BCL11A: variants seen among roughly 807,000 people sequenced by gnomAD.
BCL11A encodes the protein BCL11 transcription factor A, also known as B cell CLL/lymphoma 11A.
In BCL11A, 2 loss-of-function variants were observed where a neutral mutation model predicts 55.9. That is an observed-to-expected ratio of 0.04 (90% CI 0.01 to 0.11). The LOEUF is 0.11. Ranked by LOEUF, BCL11A falls within the 10% of genes least tolerant of loss-of-function variation. The pLI, the probability that BCL11A is intolerant of heterozygous loss-of-function variation, is 1.00. For synonymous variants in BCL11A, 465 were observed against 473.4 expected, an observed-to-expected ratio of 0.98 and a Z score of 0.23; for missense variants, 817 against 1,137.1, an observed-to-expected ratio of 0.72 and a Z score of 4.05.
chr2:60,521,113 A>T (rs1336108508), intron 2 of BCL11A, among the ~76,000 whole-genome samples: 3 of 151,596 alleles, frequency 2.0e-5, no homozygotes, highest in African/African-American at 7.3e-5. Flanking sequence ...ACACACACAC[A>T]CACACACACA....
At chr2:60,473,240 G>GT (rs35836068) in intron 2 of BCL11A, among the ~76,000 whole-genome samples, 8,866 of 140,300 alleles carry the variant, frequency 0.063, 382 homozygotes, top group Non-Finnish European at 0.095. Flanking sequence ...TAATTTCCCT[G>GT]TTTTTTTTTT....
chr2:60,510,851 G>A (rs887832706), intron 2 of BCL11A, among the ~76,000 whole-genome samples: 2 of 152,232 alleles, frequency 1.3e-5, no homozygotes, highest in Non-Finnish European at 2.9e-5. Context: ...CACAGGCCCT[G>A]AGACCCACAG....
At chr2:60,499,307 C>T (rs977050683) in intron 2 of BCL11A, among the ~76,000 whole-genome samples, 2 of 152,208 alleles carry the variant, frequency 1.3e-5, no homozygotes, top group African/African-American at 4.8e-5. Context: ...CAGCCATACC[C>T]TTCTGGGCCA....
chr2:60,497,080 C>T (rs1166410482), intron 2 of BCL11A, among the ~76,000 whole-genome samples: 5 of 152,232 alleles, frequency 3.3e-5, no homozygotes, highest in African/African-American at 1.2e-4. Flanking sequence ...AGGGAGTACA[C>T]CGCAGACACC....
At chr2:60,463,378 ATCC>A (rs1676426504) in intron 3 of BCL11A, among the ~76,000 whole-genome samples, 1 of 152,212 alleles carries the variant, frequency 6.6e-6, no homozygotes, top group South Asian at 2.1e-4. Flanking sequence ...ATGCTACACT[ATCC>A]TCCTCCTCAT....
Position 60,498,338 on chromosome 2 carries a change from CA to C in BCL11A, c.386-29506del, listed in dbSNP as rs765128143. 2.0e-5 allele frequency among the ~76,000 whole-genome samples: 3 copies of C among 152,000 alleles called. No homozygotes were observed. The East Asian group carries it at 5.8e-4, about 30-fold the overall frequency. On this transcript the variant is annotated intron_variant, in intron 2 of 3. Coordinates refer to ENST00000642384, the MANE Select transcript of BCL11A (RefSeq NM_022893.4). ...TGGGGACCGCTCACAGGACATGCAG[CA>C]GTGTGTGCCGACAACTCCCTACCGC...
chr2:60,508,014 C>G (rs748350218), intron 2 of BCL11A, among the ~76,000 whole-genome samples: 2 of 152,032 alleles, frequency 1.3e-5, no homozygotes, highest in African/African-American at 2.4e-5. Flanking sequence ...TATGGGGTTA[C>G]GGATAATGCC....
intron 2 of BCL11A, among the ~76,000 whole-genome samples, chr2:60,518,220 A>C (rs530435279): frequency 5.7e-4 from 87 of 152,294 alleles, no homozygotes; most frequent in African/African-American, 1.9e-3. Flanking sequence ...TTATCTATCA[A>C]ACCTAGACCT....
At chr2:60,547,152 T>C (rs754652477) in intron 1 of BCL11A, among the ~76,000 whole-genome samples, 19 of 152,182 alleles carry the variant, frequency 1.2e-4, no homozygotes, top group Non-Finnish European at 2.6e-4. Context: ...TCTAAACATG[T>C]TTGCACTTGG....
exon 5 of BCL11A, chr2:60,451,692 C>T (rs1237886030): frequency 4.3e-6 from 1 of 230,322 alleles, no homozygotes; most frequent in Non-Finnish European, 8.6e-6. Flanking sequence ...TAAGAAACTA[C>T]TGACATTTAT....
At chr2:60,496,476 C>A (rs1311712751) in intron 2 of BCL11A, 2 of 152,228 alleles carry the variant, frequency 1.3e-5, no homozygotes, top group African/African-American at 4.8e-5. Context: ...TCTGGACACA[C>A]AGCAAAAGTG....
intron 1 of BCL11A, among the ~76,000 whole-genome samples, chr2:60,552,526 C>T (rs535645599): frequency 1.3e-5 from 2 of 152,306 alleles, no homozygotes; most frequent in East Asian, 3.9e-4. Flanking sequence ...GCGGCAGTGC[C>T]GGCCGCGTCT....
At chr2:60,473,740 G>A (rs1378353681) in intron 2 of BCL11A, among the ~76,000 whole-genome samples, 1 of 152,166 alleles carries the variant, frequency 6.6e-6, no homozygotes, top group East Asian at 1.9e-4. Flanking sequence ...GCAAACATTA[G>A]CTATGCCTGT....
chr2:60,531,445 G>T (rs1410947745), intron 2 of BCL11A, among the ~76,000 whole-genome samples: 2 of 152,122 alleles, frequency 1.3e-5, no homozygotes, highest in Non-Finnish European at 2.9e-5. Context: ...CAACCAGTAC[G>T]GAATGCATTA....
At chr2:60,471,399 T>C (rs1677188221) in intron 2 of BCL11A, among the ~76,000 whole-genome samples, 1 of 152,254 alleles carries the variant, frequency 6.6e-6, no homozygotes, top group Non-Finnish European at 1.5e-5. Flanking sequence ...CTGATTCTGC[T>C]GCTTCTTCCA....
chr2:60,485,127 C>T (rs1227015036), intron 2 of BCL11A, among the ~76,000 whole-genome samples: 1 of 152,246 alleles, frequency 6.6e-6, no homozygotes, highest in Non-Finnish European at 1.5e-5. Flanking sequence ...GACCTTTTCA[C>T]CAGGCCAGTG....
At chr2:60,486,369 A>G (rs1678275962) in intron 2 of BCL11A, among the ~76,000 whole-genome samples, 1 of 152,222 alleles carries the variant, frequency 6.6e-6, no homozygotes, top group African/African-American at 2.4e-5. Context: ...GAAAGAACGG[A>G]TAGCCAAATT....
intron 2 of BCL11A, among the ~76,000 whole-genome samples, chr2:60,514,237 C>T (rs1014561393): frequency 6.6e-6 from 1 of 152,142 alleles, no homozygotes; most frequent in Non-Finnish European, 1.5e-5. Flanking sequence ...CCCAGAAGGG[C>T]CACAACTGAA....
At position 60,553,249 on chromosome 2, in the gene BCL11A, T is replaced by G; in HGVS notation, c.22A>C (p.Lys8Gln). Residue 8 changes from lysine to glutamine, a missense_variant, in exon 1 of 4, where the codon AAA (lysine) becomes CAA (glutamine). By Grantham distance (53) the Lys-to-Gln change is moderately conservative. Coordinates refer to ENST00000642384, the MANE Select transcript of BCL11A (RefSeq NM_022893.4). ...TCCCGTTTGCTTAAGTGCTGGGGTTTGCCTTGCTTGCGGCGAGACATGGTG... is the reference window on the plus strand; with the variant it reads ...TCCCGTTTGCTTAAGTGCTGGGGTTGGCCTTGCTTGCGGCGAGACATGGTG... MSRRKQG[K>Q]PQHLSKREFS... 1 of 1,592,578 alleles carries G rather than the reference T, an allele frequency of 6.3e-7. No individual in the cohort carries two copies. Among genetic ancestry groups the G allele is most frequent in the Non-Finnish European group, 8.5e-7 (1 of 1,173,466 alleles).
Sources: gnomAD v4.1 joint callset for allele counts (sites outside exome capture counted in the v4.1 genomes callset) on GRCh38, gnomAD v4.1.1 for gene constraint, MANE v1.5 for transcripts, NCBI Gene and HGNC (gene_info 2026-07-23, HGNC 2026-07-21) for gene names.